NELL1: variants seen among roughly 807,000 people sequenced by gnomAD.
NELL1 encodes the protein neural EGFL like 1.
A neutral mutation model predicts 107.4 loss-of-function variants in NELL1; 76 were observed. The observed-to-expected ratio is 0.71, with a 90% CI of 0.59 to 0.86. NELL1 has a LOEUF of 0.86. NELL1 is among the 40% of genes least tolerant of loss of function. The probability of loss-of-function intolerance (pLI) is 0.00; values close to 1 mark genes in which losing one functional copy is unlikely to be tolerated. For synonymous variants in NELL1, 353 were observed against 341.2 expected (o/e 1.03, Z -0.38); for missense variants, 1,024 against 1,005.5 (o/e 1.02, Z -0.25).
intron 12 of NELL1, among the ~76,000 whole-genome samples, chr11:21,046,843 G>A (rs990668662): frequency 1.3e-5 from 2 of 151,746 alleles, no homozygotes; most frequent in Non-Finnish European, 2.9e-5. Flanking sequence ...AAGCAGCTGG[G>A]AGTATAGCCA....
At chr11:21,404,156 C>G (rs1200482010) in intron 15 of NELL1, among the ~76,000 whole-genome samples, 1 of 151,778 alleles carries the variant, frequency 6.6e-6, no homozygotes, top group Non-Finnish European at 1.5e-5. Context: ...TTAGAAACAG[C>G]CTGGCTATTT....
intron 2 of NELL1, among the ~76,000 whole-genome samples, chr11:20,692,655 T>G (rs1202355188): frequency 6.6e-6 from 1 of 151,844 alleles, no homozygotes; most frequent in Non-Finnish European, 1.5e-5. Flanking sequence ...GAGAGACAGT[T>G]TGTTATAGTT....
intron 14 of NELL1, among the ~76,000 whole-genome samples, chr11:21,346,647 TATA>T (rs987720352): frequency 1.8e-4 from 27 of 148,192 alleles, no homozygotes; most frequent in East Asian, 9.7e-4. Flanking sequence ...AATTATATGA[TATA>T]ATATCAATTT....
intron 12 of NELL1, among the ~76,000 whole-genome samples, chr11:20,971,006 G>A (rs1349870260): frequency 6.6e-6 from 1 of 152,182 alleles, no homozygotes; most frequent in Non-Finnish European, 1.5e-5. Context: ...TCATAAGAAT[G>A]AACTTGCATG....
At chr11:21,439,283 A>C (rs2133843562) in intron 15 of NELL1, among the ~76,000 whole-genome samples, 1 of 152,290 alleles carries the variant, frequency 6.6e-6, no homozygotes, top group African/African-American at 2.4e-5. Flanking sequence ...TAGAATCCAA[A>C]TCTTGGATGT....
intron 14 of NELL1, among the ~76,000 whole-genome samples, chr11:21,242,925 C>T (rs1858400245): frequency 6.6e-6 from 1 of 152,110 alleles, no homozygotes; most frequent in Non-Finnish European, 1.5e-5. Flanking sequence ...GAGCTCTGGA[C>T]CTTTCATAAT....
chr11:20,673,564 G>A lies in NELL1; in HGVS notation c.55+3786G>A, dbSNP rs556122798. On this transcript the variant is annotated intron_variant, in intron 1 of 19. Transcript: ENST00000357134. Reference sequence around the variant, plus strand: ...GGCTGTGGGCCCGAGCATTCCCTGGGTGGGGGTGAGGAGCAGCCAATAGCA... The same window carrying A: ...GGCTGTGGGCCCGAGCATTCCCTGGATGGGGGTGAGGAGCAGCCAATAGCA... Among the ~76,000 whole-genome samples, 654 of 152,324 alleles carry A rather than the reference G, an allele frequency of 4.3e-3. 1 individual carries two copies. The highest frequency in any genetic ancestry group is 7.2e-3 in the Non-Finnish European group (491 of 68,034).
chr11:20,841,710 G>A (rs4923100), intron 3 of NELL1, among the ~76,000 whole-genome samples: 22,168 of 152,098 alleles, frequency 0.15, 2,160 homozygotes, highest in East Asian at 0.32. Context: ...CAGTGAAGTT[G>A]CTCTGGTTAA....
At chr11:20,688,758 C>G (rs981045474) in intron 2 of NELL1, among the ~76,000 whole-genome samples, 1 of 151,894 alleles carries the variant, frequency 6.6e-6, no homozygotes, top group African/African-American at 2.4e-5. Flanking sequence ...TATTATATAC[C>G]CAGTGATGGG....
chr11:21,484,732 C>A (rs148065855), intron 15 of NELL1, among the ~76,000 whole-genome samples: 1 of 152,096 alleles, frequency 6.6e-6, no homozygotes, highest in Admixed American at 6.5e-5. Context: ...TTTTCAACTG[C>A]TTTGACTTAC....
chr11:21,218,629 C>T (rs554413010), intron 13 of NELL1, among the ~76,000 whole-genome samples: 33 of 152,300 alleles, frequency 2.2e-4, no homozygotes, highest in Admixed American at 1.0e-3. Context: ...ATCAACCTCT[C>T]TGTATCCTCC....
intron 13 of NELL1, among the ~76,000 whole-genome samples, chr11:21,170,873 TTTTTC>T (rs1280009992): frequency 6.6e-6 from 1 of 151,698 alleles, no homozygotes; most frequent in Non-Finnish European, 1.5e-5. Flanking sequence ...TAACTTACCC[TTTTTC>T]TTTTTACTAA....
chr11:20,696,810 C>T (rs1457448726), intron 2 of NELL1, among the ~76,000 whole-genome samples: 1 of 152,122 alleles, frequency 6.6e-6, no homozygotes, highest in Non-Finnish European at 1.5e-5. Context: ...CAACTCCAAA[C>T]AACCAGAATA....
intron 15 of NELL1, among the ~76,000 whole-genome samples, chr11:21,407,826 TC>T (rs1318757332): frequency 3.3e-5 from 5 of 151,760 alleles, no homozygotes; most frequent in South Asian, 2.1e-4. Flanking sequence ...TTCTACAGTA[TC>T]CTTTATCTAA....
chr11:21,280,968 C>T (rs1222371531), intron 14 of NELL1, among the ~76,000 whole-genome samples: 1 of 151,848 alleles, frequency 6.6e-6, no homozygotes, highest in Non-Finnish European at 1.5e-5. Flanking sequence ...TATTGAGACA[C>T]CAGCCAGGCC....
intron 2 of NELL1, among the ~76,000 whole-genome samples, chr11:20,694,078 G>T (rs1366854802): frequency 6.6e-6 from 1 of 151,950 alleles, no homozygotes; most frequent in African/African-American, 2.4e-5. Flanking sequence ...TTGATTGCAT[G>T]GGCTCCTGAG....
At chr11:20,690,946 T>A (rs1284918712) in intron 2 of NELL1, among the ~76,000 whole-genome samples, 1 of 152,120 alleles carries the variant, frequency 6.6e-6, no homozygotes, top group African/African-American at 2.4e-5. Flanking sequence ...GTTTGTGTCC[T>A]CTTTTGTTTC....
In NELL1 at chr11:21,140,724, A is replaced by G. The variant is rs187735085; in HGVS notation, c.1426+27010A>G. Among the ~76,000 whole-genome samples the G allele has an allele frequency of 2.5e-4, 38 of 152,316 alleles. No homozygotes were observed. The East Asian group carries it at 6.2e-3, about 25-fold the overall frequency. ...AATTGTTTAGATTCTGATTTTTAAT[A>G]TATTGCTAGCTCTTTATAGAAAACC... On this transcript the variant is annotated intron_variant, in intron 13 of 19. Coordinates refer to ENST00000357134, the MANE Select transcript of NELL1 (RefSeq NM_006157.5).
intron 12 of NELL1, among the ~76,000 whole-genome samples, chr11:21,038,545 T>TA (rs1853150568): frequency 6.6e-6 from 1 of 152,324 alleles, no homozygotes; most frequent in Non-Finnish European, 1.5e-5. Context: ...TGCTGGCTTA[T>TA]TTTCTGATAT....
Sources: allele counts gnomAD v4.1 joint callset (sites outside exome capture counted in the v4.1 genomes callset), GRCh38; gene constraint gnomAD v4.1.1; transcripts MANE v1.5; gene names NCBI Gene and HGNC (gene_info 2026-07-23, HGNC 2026-07-21).